ADAD1: variants seen among roughly 807,000 people sequenced by gnomAD.
ADAD1 encodes the protein adenosine deaminase domain-containing protein 1.
Under a neutral mutation model 66.8 loss-of-function variants are expected in ADAD1, and 46 were observed. The observed-to-expected ratio is 0.69, with a 90% CI of 0.54 to 0.88. ADAD1 has a LOEUF of 0.88. Ranked by LOEUF, ADAD1 falls within the 40% of genes least tolerant of loss-of-function variation. The pLI, the probability that ADAD1 is intolerant of heterozygous loss-of-function variation, is 0.00. For missense variants in ADAD1, 617 were observed against 681.8 expected, an observed-to-expected ratio of 0.91 and a Z score of 1.06; for synonymous variants, 248 against 229.4, an observed-to-expected ratio of 1.08 and a Z score of -0.73.
chr4:122,419,151 G>A (rs1394886209), intron 11 of ADAD1, among the ~76,000 whole-genome samples: 1 of 152,164 alleles, frequency 6.6e-6, no homozygotes, highest in Non-Finnish European at 1.5e-5. Flanking sequence ...ATGATGGACT[G>A]GATAAAGAAA....
Position 122,380,087 on chromosome 4 carries a change from T to A in ADAD1, c.18T>A (p.His6Gln). 1 of 1,612,640 alleles carries A rather than the reference T, an allele frequency of 6.2e-7. No individual in the cohort carries two copies. The change falls in exon 3 of 13, where the codon CAT becomes CAA. Residue 6 changes from histidine (H) to glutamine (Q), a missense_variant. His to Gln is a conservative substitution (Grantham distance 24). Coordinates refer to ENST00000296513, the MANE Select transcript of ADAD1 (RefSeq NM_139243.4). MASNN[H>Q]WFQSSQVPSF... ...GTGAGAAAATGGCTAGCAACAATCA[T>A]TGGTTTCAGAGTTCGCAGGTCCCCA...
intron 9 of ADAD1, among the ~76,000 whole-genome samples, chr4:122,411,737 A>C (rs1427158165): frequency 2.6e-5 from 4 of 152,148 alleles, no homozygotes; most frequent in African/African-American, 4.8e-5. Flanking sequence ...TATAAAGCAA[A>C]TATTCCAGTG....
intron 12 of ADAD1, among the ~76,000 whole-genome samples, chr4:122,425,351 GAATTA>G (rs1479173695): frequency 6.6e-6 from 1 of 151,984 alleles, no homozygotes; most frequent in African/African-American, 2.4e-5. Flanking sequence ...AACCACTGTG[GAATTA>G]AATTAGAAAT....
chr4:122,388,698 T>C (rs750172099), intron 5 of ADAD1, among the ~76,000 whole-genome samples: 1 of 152,004 alleles, frequency 6.6e-6, no homozygotes, highest in Non-Finnish European at 1.5e-5. Context: ...TATATTTCTG[T>C]GGGGTCAGTG....
intron 11 of ADAD1, among the ~76,000 whole-genome samples, chr4:122,418,313 T>C (rs996039723): frequency 4.1e-5 from 5 of 123,412 alleles, no homozygotes; most frequent in East Asian, 2.0e-4. Flanking sequence ...TTTCTTTTTT[T>C]TTTTTTTTTT....
Position 122,381,366 on chromosome 4 carries a change from C to G in ADAD1, c.361+186C>G, listed in dbSNP as rs1159076919. ...AGCCTCTACAAATAACTCACATATA[C>G]CAAAGTTTTATAATCATTGAATTGT... On this transcript the variant is annotated intron_variant, in intron 4 of 12. Transcript: ENST00000296513. Among the ~76,000 whole-genome samples, 5 of 152,136 alleles carry G rather than the reference C, an allele frequency of 3.3e-5. No homozygotes were observed. The South Asian group carries it at 6.2e-4, about 19-fold the overall frequency.
intron 5 of ADAD1, among the ~76,000 whole-genome samples, chr4:122,390,226 C>T (rs1316714624): frequency 6.6e-6 from 1 of 152,158 alleles, no homozygotes; most frequent in Non-Finnish European, 1.5e-5. Flanking sequence ...CTGAGAGATC[C>T]CCTGTTAGTC....
intron 8 of ADAD1, 21 bp downstream of exon 8, chr4:122,408,052 A>G (rs1328985206): frequency 6.3e-7 from 1 of 1,596,082 alleles, no homozygotes; most frequent in Admixed American, 1.7e-5. Flanking sequence ...ACATATATTA[A>G]TGTTATTAAA....
chr4:122,415,726 TAA>T, intron 11 of ADAD1, 110 bp downstream of exon 11: 1 of 955,640 alleles, frequency 1.0e-6, no homozygotes, highest in African/African-American at 1.7e-5. Flanking sequence ...CTCTGAACAA[TAA>T]TTATTATCAT....
chr4:122,400,369 G>A (rs1287748387), intron 7 of ADAD1, among the ~76,000 whole-genome samples: 1 of 151,982 alleles, frequency 6.6e-6, no homozygotes, highest in Non-Finnish European at 1.5e-5. Flanking sequence ...CTTGATCATG[G>A]TATATGATCT....
At chr4:122,399,092 A>G (rs1409199218) in intron 7 of ADAD1, among the ~76,000 whole-genome samples, 2 of 152,176 alleles carry the variant, frequency 1.3e-5, no homozygotes, top group Admixed American at 6.5e-5. Flanking sequence ...TAGAATTTTT[A>G]TGGCTTAATG....
intron 12 of ADAD1, among the ~76,000 whole-genome samples, chr4:122,423,254 G>A (rs1414863908): frequency 6.6e-6 from 1 of 152,166 alleles, no homozygotes; most frequent in African/African-American, 2.4e-5. Flanking sequence ...GAAATTAATG[G>A]GGAAAACTGG....
At chr4:122,410,898 T>A (rs1423043629) in intron 8 of ADAD1, among the ~76,000 whole-genome samples, 2 of 152,110 alleles carry the variant, frequency 1.3e-5, no homozygotes. Flanking sequence ...AGCAGAACTC[T>A]CTGAGGAAGA....
At chr4:122,385,095 G>A (rs948345916) in intron 5 of ADAD1, among the ~76,000 whole-genome samples, 1 of 152,110 alleles carries the variant, frequency 6.6e-6, no homozygotes. Flanking sequence ...AAAGGATGTA[G>A]AAGATAAGAG....
intron 5 of ADAD1, among the ~76,000 whole-genome samples, chr4:122,387,895 G>A (rs1345940044): frequency 1.3e-5 from 2 of 151,922 alleles, no homozygotes; most frequent in Non-Finnish European, 2.9e-5. Context: ...GAGTAGCTGG[G>A]ACTACAGGCA....
At chr4:122,394,250 AATATT>A (rs1358717045) in intron 6 of ADAD1, among the ~76,000 whole-genome samples, 2 of 152,188 alleles carry the variant, frequency 1.3e-5, no homozygotes, top group Non-Finnish European at 1.5e-5. Context: ...AATAGTAACT[AATATT>A]ATTTTATTAT....
chr4:122,403,871 G>A (rs1796087801), intron 7 of ADAD1, among the ~76,000 whole-genome samples: 2 of 152,048 alleles, frequency 1.3e-5, no homozygotes, highest in Admixed American at 1.3e-4. Flanking sequence ...GGAATGGCAG[G>A]ATGCTTCTCA....
intron 7 of ADAD1, among the ~76,000 whole-genome samples, chr4:122,407,618 G>A (rs1198615371): frequency 6.6e-6 from 1 of 152,122 alleles, no homozygotes; most frequent in Non-Finnish European, 1.5e-5. Context: ...AATAGAAAGC[G>A]ATATTTGAAA....
At chr4:122,403,641 T>C (rs1842300) in intron 7 of ADAD1, among the ~76,000 whole-genome samples, 2,655 of 152,180 alleles carry the variant, frequency 0.017, 80 homozygotes, top group African/African-American at 0.061. Context: ...GGTGGCACTT[T>C]CAAGAGGGCA....
Sources: gnomAD v4.1 joint callset for allele counts (sites outside exome capture counted in the v4.1 genomes callset) on GRCh38, gnomAD v4.1.1 for gene constraint, MANE v1.5 for transcripts, NCBI Gene and HGNC (gene_info 2026-07-23, HGNC 2026-07-21) for gene names.